RNF38: variants seen among roughly 807,000 people sequenced by gnomAD.
The protein encoded by RNF38 is ring finger protein 38.
A neutral mutation model predicts 67.2 loss-of-function variants in RNF38; 15 were observed. That is an observed-to-expected ratio of 0.22 (90% CI 0.15 to 0.34). The LOEUF (loss-of-function observed/expected upper bound fraction) is 0.34. Ranked by LOEUF, RNF38 falls within the 10% of genes least tolerant of loss-of-function variation. RNF38 has a pLI of 1.00. For synonymous variants in RNF38, 220 were observed against 218.8 expected (o/e 1.01, Z -0.05); for missense variants, 524 against 639.9 (o/e 0.82, Z 1.95).
At chr9:36,373,088 T>G (rs1168479750) in intron 3 of RNF38, among the ~76,000 whole-genome samples, 1 of 152,084 alleles carries the variant, frequency 6.6e-6, no homozygotes, top group Non-Finnish European at 1.5e-5. Context: ...GCACCTGTAA[T>G]CCCAGCTACT....
At chr9:36,416,742 ATTTTTTTTTTT>A (rs386414907) in intron 2 of RNF38, among the ~76,000 whole-genome samples, 8 of 63,498 alleles carry the variant, frequency 1.3e-4, no homozygotes, top group Admixed American at 9.4e-4. Flanking sequence ...CTGCCTCGAT[ATTTTTTTTTTT>A]TTTTTTTTTT....
At chr9:36,360,151 T>C (rs1424623703) in intron 4 of RNF38, among the ~76,000 whole-genome samples, 2 of 124,444 alleles carry the variant, frequency 1.6e-5, no homozygotes, top group Admixed American at 9.1e-5. Flanking sequence ...TAAGACAGGA[T>C]TGAAAAAAAA....
At position 36,460,626 on chromosome 9, in the gene RNF38, T is replaced by A. The variant is rs1839705391; in HGVS notation, n.241+26682A>T. Among the ~76,000 whole-genome samples, 5 of 151,284 alleles carry A rather than the reference T, an allele frequency of 3.3e-5. No homozygotes were observed. In the South Asian group the frequency reaches 1.0e-3, roughly 32 times the overall value. ...AAAGGAGCCAGGCGCGGTGGCTCACTCCCATAATCCCAGCACTTTGGGAGG... is the reference window on the plus strand; with the variant it reads ...AAAGGAGCCAGGCGCGGTGGCTCACACCCATAATCCCAGCACTTTGGGAGG... On this transcript the variant is annotated intron_variant and non_coding_transcript_variant, in intron 1 of 3. Coordinates refer to the RNF38 transcript ENST00000488058.
intron 2 of RNF38, among the ~76,000 whole-genome samples, chr9:36,412,563 T>A (rs1260114654): frequency 6.6e-6 from 1 of 152,236 alleles, no homozygotes; most frequent in Admixed American, 6.5e-5. Context: ...GGATCCCTTA[T>A]GAATGGCTTA....
intron 2 of RNF38, among the ~76,000 whole-genome samples, chr9:36,378,746 CA>C (rs1835974397): frequency 6.6e-6 from 1 of 152,102 alleles, no homozygotes; most frequent in Non-Finnish European, 1.5e-5. Flanking sequence ...TCTTACTTTA[CA>C]AGACATGCAA....
At position 36,479,772 on chromosome 9, in the gene RNF38, A is replaced by G. The variant is rs555612323; in HGVS notation, n.241+7536T>C. Among the ~76,000 whole-genome samples, 28 of 152,252 alleles carry G rather than the reference A, an allele frequency of 1.8e-4. No homozygotes were observed. In the South Asian group the frequency reaches 5.8e-3, roughly 32 times the overall value. On this transcript the variant is annotated intron_variant and non_coding_transcript_variant, in intron 1 of 3. Transcript: ENST00000488058. ...AAAAAAAAAGTTTTAATAAGATAGC[A>G]CAAAAGCCAAATGAAAAATACTTTT...
intron 1 of RNF38, among the ~76,000 whole-genome samples, chr9:36,442,156 C>T (rs1225754887): frequency 6.6e-6 from 1 of 152,170 alleles, no homozygotes; most frequent in Admixed American, 6.5e-5. Flanking sequence ...AAAGCCTTAG[C>T]TCAAACCGGC....
chr9:36,414,920 C>T (rs1318091082), intron 2 of RNF38, among the ~76,000 whole-genome samples: 1 of 152,146 alleles, frequency 6.6e-6, no homozygotes, highest in African/African-American at 2.4e-5. Context: ...TGCTGAAAAA[C>T]GTGCTGTTAA....
At chr9:36,449,934 C>T (rs1322222147) in intron 1 of RNF38, among the ~76,000 whole-genome samples, 1 of 152,178 alleles carries the variant, frequency 6.6e-6, no homozygotes, top group African/African-American at 2.4e-5. Context: ...TGGTCTAGGT[C>T]TTTCTCCCCA....
upstream of RNF38, chr9:36,400,508 C>T: frequency 1.0e-6 from 1 of 997,376 alleles, no homozygotes; most frequent in Non-Finnish European, 1.2e-6. Flanking sequence ...CGGCCCGCAG[C>T]CCGTCCCGCC....
intron 4 of RNF38, 93 bp from the exon 5 acceptor site, chr9:36,358,035 C>A: frequency 1.0e-6 from 1 of 959,268 alleles, no homozygotes; most frequent in Non-Finnish European, 1.6e-6. Context: ...TGGCTCCTCT[C>A]TCAGCTACAC....
chr9:36,444,796 T>C (rs1433352472), intron 1 of RNF38, among the ~76,000 whole-genome samples: 1 of 152,076 alleles, frequency 6.6e-6, no homozygotes, highest in Admixed American at 6.6e-5. Flanking sequence ...GTGAAAACCC[T>C]GTCTCAAAAA....
At chr9:36,464,866 AAAAGT>A (rs569823070) in intron 1 of RNF38, among the ~76,000 whole-genome samples, 3 of 152,168 alleles carry the variant, frequency 2.0e-5, no homozygotes, top group Non-Finnish European at 4.4e-5. Flanking sequence ...TTGCAAAGAA[AAAAGT>A]AAAGAAAGCA....
In RNF38 at chr9:36,416,115, CCAT is replaced by C. The variant is rs534175417; in HGVS notation, n.312+8495_312+8497del. On this transcript the variant is annotated intron_variant and non_coding_transcript_variant, in intron 2 of 3. Transcript: ENST00000488058. ...TTTACGCTACCAGGGCGGAAAAAGA[CCAT>C]CAAGTAAGGGCCAGGTTAGGCATAT... is the stretch of plus-strand genomic sequence containing the variant. 4.7e-5 allele frequency among the ~76,000 whole-genome samples: 7 copies of C among 148,456 alleles called. No individual in the cohort carries two copies. The South Asian group carries it at 1.5e-3, about 32-fold the overall frequency.
At chr9:36,398,935 T>C (rs9407040) in intron 1 of RNF38, among the ~76,000 whole-genome samples, 5,906 of 152,082 alleles carry the variant, frequency 0.039, 357 homozygotes, top group African/African-American at 0.13. Context: ...ACCCACACTT[T>C]CCACTCACAG....
intron 3 of RNF38, among the ~76,000 whole-genome samples, chr9:36,371,347 CTT>C (rs1200960878): frequency 2.6e-5 from 4 of 151,676 alleles, no homozygotes; most frequent in East Asian, 2.0e-4. Context: ...TTTCTTCTAA[CTT>C]TATTTTTAAT....
Position 36,340,777 on chromosome 9 carries a change from C to T in RNF38, c.1486-963G>A, listed in dbSNP as rs984143852. Among the ~76,000 whole-genome samples, 79 of 152,204 alleles carry T rather than the reference C, an allele frequency of 5.2e-4. 1 individual carries two copies. The highest frequency in any genetic ancestry group is 1.8e-3 in the African/African-American group (76 of 41,440). On this transcript the variant is annotated intron_variant, in intron 11 of 11. Coordinates refer to ENST00000259605, the MANE Select transcript of RNF38 (RefSeq NM_022781.5). ...GACTCTATACTGATAGCTCTACTTA[C>T]TCACCTGTTCCCTGGCTCCTAAATT...
At chr9:36,399,501 A>G (rs902249263) in intron 1 of RNF38, among the ~76,000 whole-genome samples, 5 of 140,894 alleles carry the variant, frequency 3.5e-5, no homozygotes, top group Non-Finnish European at 7.8e-5. Flanking sequence ...ATAATATATT[A>G]TATAATACCA....
chr9:36,370,241 T>G (rs183808102), intron 3 of RNF38, among the ~76,000 whole-genome samples: 1 of 152,278 alleles, frequency 6.6e-6, no homozygotes, highest in Non-Finnish European at 1.5e-5. Flanking sequence ...TAGCAACAAT[T>G]TCATATAATT....
Sources: allele counts gnomAD v4.1 joint callset (sites outside exome capture counted in the v4.1 genomes callset), GRCh38; gene constraint gnomAD v4.1.1; transcripts MANE v1.5; gene names NCBI Gene and HGNC (gene_info 2026-07-23, HGNC 2026-07-21).